The following CNGB3 variants were observed in gnomAD, a reference collection of about 807,000 sequenced individuals.
CNGB3 encodes the protein cyclic nucleotide gated channel subunit beta 3, also known as cyclic nucleotide-gated channel beta-3.
In CNGB3, 86 loss-of-function variants were observed where a neutral mutation model predicts 92.8. That is an observed-to-expected ratio of 0.93 (90% CI 0.78 to 1.11). CNGB3 has a LOEUF of 1.11. CNGB3 is among the 50% of genes least tolerant of loss of function. The pLI, the probability that CNGB3 is intolerant of heterozygous loss-of-function variation, is 0.00. For missense variants in CNGB3, 1,026 were observed against 956.8 expected, an observed-to-expected ratio of 1.07 and a Z score of -0.95; for synonymous variants, 333 against 332.7, an observed-to-expected ratio of 1.00 and a Z score of -0.01.
intron 13 of CNGB3, among the ~76,000 whole-genome samples, chr8:86,617,209 A>G (rs1369650502): frequency 2.6e-5 from 4 of 152,196 alleles, no homozygotes; most frequent in Non-Finnish European, 5.9e-5. Context: ...TCCGAATACA[A>G]TTGTAAAGTT....
intron 6 of CNGB3, chr8:86,661,076 G>A (rs756090541): frequency 5.8e-5 from 13 of 222,442 alleles, no homozygotes; most frequent in Admixed American, 3.2e-4. Flanking sequence ...TTCTTCATTC[G>A]TTCCCCCATA....
intron 3 of CNGB3, among the ~76,000 whole-genome samples, chr8:86,726,291 A>G (rs1477560659): frequency 6.6e-6 from 1 of 152,134 alleles, no homozygotes; most frequent in Non-Finnish European, 1.5e-5. Context: ...TTTTGTTGTG[A>G]TTTGGCCTAT....
intron 3 of CNGB3, among the ~76,000 whole-genome samples, chr8:86,699,871 A>G (rs1296824294): frequency 1.3e-5 from 2 of 152,166 alleles, no homozygotes; most frequent in African/African-American, 4.8e-5. Context: ...ATTGGAATCT[A>G]AAATACAGTT....
chr8:86,622,348 T>G (rs1822753853), intron 13 of CNGB3, among the ~76,000 whole-genome samples: 1 of 150,694 alleles, frequency 6.6e-6, no homozygotes, highest in Non-Finnish European at 1.5e-5. Flanking sequence ...CCTCAGCATC[T>G]ACACATTTTC....
intron 14 of CNGB3, among the ~76,000 whole-genome samples, chr8:86,611,199 T>C (rs1480761318): frequency 2.0e-5 from 3 of 152,194 alleles, no homozygotes; most frequent in African/African-American, 4.8e-5. Context: ...CATTGATTAT[T>C]CACTACTTGG....
In CNGB3 at chr8:86,611,210, G is replaced by A. The variant is rs75828327; in HGVS notation, c.1662+378C>T. Reference sequence around the variant, plus strand: ...GTGGCATTGATTATTCACTACTTGGGAGAGCAAAATGAAGGTAACTGATAT... The same window carrying A: ...GTGGCATTGATTATTCACTACTTGGAAGAGCAAAATGAAGGTAACTGATAT... On this transcript the variant is annotated intron_variant, in intron 14 of 17. Coordinates refer to ENST00000320005, the MANE Select transcript of CNGB3 (RefSeq NM_019098.5). Among the ~76,000 whole-genome samples the A allele has an allele frequency of 5.7e-3, 871 of 152,216 alleles. 7 individuals are homozygous for A. The highest frequency in any genetic ancestry group is 0.02 in the African/African-American group (813 of 41,544).
In CNGB3 at chr8:86,739,644, T is replaced by C. The variant is rs1435959851; in HGVS notation, c.211+11A>G. The C allele has an allele frequency of 5.8e-6, 9 of 1,559,356 alleles. No homozygotes were observed. The highest frequency in any genetic ancestry group is 7.9e-6 in the Non-Finnish European group (9 of 1,139,534). The stretch of plus-strand genomic sequence containing the variant: ...AGTTTTTTTTTTTTTTTTTTCAGAC[T>C]GCATTCTGACCTTGTATGTTGGTGT... On this transcript the variant is annotated intron_variant, in intron 2 of 17. Transcript: ENST00000320005.
In CNGB3 at chr8:86,684,252, G is replaced by A. The variant is rs114106472; in HGVS notation, c.339-13154C>T. Among the ~76,000 whole-genome samples the A allele has an allele frequency of 2.9e-3, 440 of 152,174 alleles. 3 individuals carry two copies. Among genetic ancestry groups the A allele is most frequent in the African/African-American group, 0.01 (422 of 41,544 alleles). On this transcript the variant is annotated intron_variant, in intron 3 of 17. Transcript: ENST00000320005. The stretch of plus-strand genomic sequence containing the variant: ...AAATAAGTAAATGAAAAGGTGTCTC[G>A]CATCATTAGCTATTGGGAAATGCAA...
chr8:86,722,136 T>A (rs767584595), intron 3 of CNGB3, among the ~76,000 whole-genome samples: 1 of 152,196 alleles, frequency 6.6e-6, no homozygotes, highest in Non-Finnish European at 1.5e-5. Context: ...AACATTTCAC[T>A]CACTCGCTGC....
intron 13 of CNGB3, among the ~76,000 whole-genome samples, chr8:86,624,988 C>T (rs1657311597): frequency 1.3e-5 from 2 of 152,146 alleles, no homozygotes. Flanking sequence ...TGGTCCTGCT[C>T]CTGCTATATA....
At chr8:86,651,290 C>T (rs917523199) in intron 7 of CNGB3, among the ~76,000 whole-genome samples, 1 of 151,648 alleles carries the variant, frequency 6.6e-6, no homozygotes, top group African/African-American at 2.4e-5. Flanking sequence ...ACCACTTGTA[C>T]CCCAAAAGCA....
chr8:86,677,655 CA>C (rs1657059043), intron 3 of CNGB3, among the ~76,000 whole-genome samples: 1 of 152,002 alleles, frequency 6.6e-6, no homozygotes, highest in Non-Finnish European at 1.5e-5. Flanking sequence ...ATTAGAGAGA[CA>C]GATCTAAAAG....
intron 2 of CNGB3, among the ~76,000 whole-genome samples, chr8:86,730,808 G>T (rs966076506): frequency 2.0e-5 from 3 of 152,076 alleles, no homozygotes; most frequent in African/African-American, 7.2e-5. Flanking sequence ...TTGTATCTTT[G>T]TAGATTGTCA....
chr8:86,667,917 A>C, intron 5 of CNGB3, 102 bp downstream of exon 5: 2 of 1,256,200 alleles, frequency 1.6e-6, no homozygotes, highest in Non-Finnish European at 2.3e-6. Flanking sequence ...TTAGATTGAG[A>C]ATATGAAGTA....
chr8:86,650,985 A>G (rs952030507), intron 7 of CNGB3, among the ~76,000 whole-genome samples: 2 of 151,864 alleles, frequency 1.3e-5, no homozygotes, highest in African/African-American at 2.4e-5. Flanking sequence ...TTTAGACATA[A>G]AAAGGAATCA....
At chr8:86,635,853 T>TATATATATAC (rs1563735370) in intron 10 of CNGB3, among the ~76,000 whole-genome samples, 6 of 80,378 alleles carry the variant, frequency 7.5e-5, no homozygotes, top group African/African-American at 1.9e-4. Flanking sequence ...TATATATATA[T>TATATATATAC]ATATATATAT....
chr8:86,720,813 C>T (rs975850837), intron 3 of CNGB3, among the ~76,000 whole-genome samples: 1 of 134,442 alleles, frequency 7.4e-6, no homozygotes, highest in Non-Finnish European at 1.6e-5. Context: ...TATTCCATGG[C>T]ATATATATAT....
At chr8:86,608,069 C>T (rs754548589) in intron 14 of CNGB3, among the ~76,000 whole-genome samples, 6 of 151,808 alleles carry the variant, frequency 4.0e-5, no homozygotes, top group East Asian at 1.9e-4. Context: ...GGCAAGAGAC[C>T]GAGGACACAA....
At chr8:86,727,072 C>T (rs994765294) in intron 2 of CNGB3, among the ~76,000 whole-genome samples, 4 of 152,146 alleles carry the variant, frequency 2.6e-5, no homozygotes, top group African/African-American at 9.7e-5. Context: ...GCCATTCTAA[C>T]ACAATGGTCA....
Sources: allele counts gnomAD v4.1 joint callset (sites outside exome capture counted in the v4.1 genomes callset), GRCh38; gene constraint gnomAD v4.1.1; transcripts MANE v1.5; gene names NCBI Gene and HGNC (gene_info 2026-07-23, HGNC 2026-07-21).